The following UNC79 variants were observed in gnomAD, a reference collection of about 807,000 sequenced individuals.
UNC79 encodes protein unc-79 homolog.
Under a neutral mutation model 283.1 loss-of-function variants are expected in UNC79, and 37 were observed. The observed-to-expected ratio is 0.13, with a 90% confidence interval of 0.10 to 0.17. The LOEUF (loss-of-function observed/expected upper bound fraction) is 0.17. Ranked by LOEUF, UNC79 falls within the 10% of genes least tolerant of loss-of-function variation. The pLI, the probability that UNC79 is intolerant of heterozygous loss-of-function variation, is 1.00. For synonymous variants in UNC79, 1,107 were observed against 1,200.2 expected, an observed-to-expected ratio of 0.92 and a Z score of 1.61; for missense variants, 2,272 against 3,211.1, an observed-to-expected ratio of 0.71 and a Z score of 7.07.
At chr14:93,574,473 G>A (rs1174243818) in intron 16 of UNC79, among the ~76,000 whole-genome samples, 1 of 152,200 alleles carries the variant, frequency 6.6e-6, no homozygotes, top group Non-Finnish European at 1.5e-5. Context: ...CTTTCTTTAA[G>A]CAGCTCACAG....
chr14:93,468,134 T>C (rs1358703907), intron 2 of UNC79, among the ~76,000 whole-genome samples: 1 of 152,228 alleles, frequency 6.6e-6, no homozygotes, highest in Non-Finnish European at 1.5e-5. Context: ...ACTTTTGGTC[T>C]AAAAGCAATT....
At chr14:93,524,516 A>C (rs1038028281) in intron 8 of UNC79, among the ~76,000 whole-genome samples, 1 of 152,194 alleles carries the variant, frequency 6.6e-6, no homozygotes. Flanking sequence ...CAGCATATAC[A>C]TGGAAAGTTA....
exon 42 of UNC79, chr14:93,682,639 C>A: frequency 6.2e-7 from 1 of 1,614,010 alleles, no homozygotes; most frequent in Non-Finnish European, 8.5e-7. Context: ...GATGCTGGAA[C>A]CAAACTAGCT....
At chr14:93,442,638 C>A (rs148323310) in intron 1 of UNC79, among the ~76,000 whole-genome samples, 4 of 152,212 alleles carry the variant, frequency 2.6e-5, no homozygotes, top group South Asian at 2.1e-4. Flanking sequence ...AATGTAGACA[C>A]GCCCAAATAC....
chr14:93,557,657 AC>A (rs2062250821), intron 14 of UNC79, among the ~76,000 whole-genome samples: 1 of 152,140 alleles, frequency 6.6e-6, no homozygotes, highest in South Asian at 2.1e-4. Flanking sequence ...GAGAGAGAGT[AC>A]CCCCATATGG....
chr14:93,515,457 G>A (rs764815852), intron 7 of UNC79, among the ~76,000 whole-genome samples: 1 of 152,036 alleles, frequency 6.6e-6, no homozygotes, highest in South Asian at 2.1e-4. Flanking sequence ...TCTTGTTTGT[G>A]TGGTTGTTTT....
At position 93,400,998 on chromosome 14, in the gene UNC79, G is replaced by A. The variant is rs76988727; in HGVS notation, c.-350-66673G>A. Among the ~76,000 whole-genome samples, 278 of 152,288 alleles carry A rather than the reference G, an allele frequency of 1.8e-3. 1 individual carries two copies. In the East Asian group the frequency reaches 0.034, roughly 19 times the overall value. ...ATAGTGAGAATGATACCTTCATTAT[G>A]AGAAATAAAATCAGGAAGAGGTGTT... On this transcript the variant is annotated intron_variant, in intron 1 of 49. Coordinates refer to the UNC79 transcript ENST00000256339.
intron 1 of UNC79, among the ~76,000 whole-genome samples, chr14:93,368,583 G>C (rs1229229252): frequency 2.6e-5 from 4 of 152,074 alleles, no homozygotes; most frequent in Admixed American, 2.6e-4. Context: ...CAAGTCTCAT[G>C]CCTCAGCCTT....
chr14:93,354,145 T>G (rs1475846829), intron 1 of UNC79, among the ~76,000 whole-genome samples: 1 of 152,196 alleles, frequency 6.6e-6, no homozygotes, highest in African/African-American at 2.4e-5. Flanking sequence ...CCAATATCTT[T>G]AACATTTTGT....
chr14:93,387,542 C>T (rs1293677971), intron 1 of UNC79, among the ~76,000 whole-genome samples: 2 of 152,178 alleles, frequency 1.3e-5, no homozygotes, highest in African/African-American at 2.4e-5. Flanking sequence ...TGTGTTTGAA[C>T]AGTGTCCGAA....
intron 4 of UNC79, among the ~76,000 whole-genome samples, chr14:93,478,665 T>C (rs1043879107): frequency 1.3e-5 from 2 of 152,188 alleles, no homozygotes; most frequent in African/African-American, 4.8e-5. Context: ...ACTTGGAACA[T>C]TGGTAAAATG....
chr14:93,640,820 A>G (rs906657828), intron 32 of UNC79, among the ~76,000 whole-genome samples: 13 of 152,146 alleles, frequency 8.5e-5, no homozygotes, highest in African/African-American at 3.1e-4. Flanking sequence ...TAGCTCTTTT[A>G]AGGGTACCCT....
At chr14:93,632,144 C>A (rs2068080535) in intron 31 of UNC79, among the ~76,000 whole-genome samples, 1 of 152,142 alleles carries the variant, frequency 6.6e-6, no homozygotes, top group Non-Finnish European at 1.5e-5. Context: ...ACTTACAAAG[C>A]CATGTTCATT....
In UNC79 at chr14:93,542,483, C is replaced by T. The variant is rs747295363; in HGVS notation, c.1542C>T (p.Pro514=). ...ACTTCTAGGTGAGCCTCTGCACACC[C>T]AGTGAGAACACGCCTACAGAAAGCT... Residue 514 remains proline, a synonymous_variant, in exon 14 of 49, where the codon CCC becomes CCT. Transcript: ENST00000555664. The T allele has an allele frequency of 5.0e-6, 8 of 1,613,936 alleles. No homozygotes were observed. The South Asian group carries it at 7.7e-5, about 16-fold the overall frequency.
chr14:93,542,586 G>C (rs765846617), exon 14 of UNC79: 1 of 1,614,204 alleles, frequency 6.2e-7, no homozygotes, highest in South Asian at 1.1e-5. Context: ...GGGAAGTCTG[G>C]TGGAAAAGCT....
chr14:93,471,970 ATG>A (rs931377676), intron 2 of UNC79, among the ~76,000 whole-genome samples: 9 of 152,120 alleles, frequency 5.9e-5, no homozygotes, highest in African/African-American at 2.2e-4. Flanking sequence ...TGAAAAAATA[ATG>A]TGTTTATTTC....
intron 1 of UNC79, among the ~76,000 whole-genome samples, chr14:93,345,756 T>C (rs1161049031): frequency 6.6e-6 from 1 of 151,866 alleles, no homozygotes; most frequent in Non-Finnish European, 1.5e-5. Context: ...AGCAAATAAA[T>C]AGGAATAGTG....
rs142308970 is a variant in UNC79 at position 93,560,976 on chromosome 14, G to A, written c.1756-10918G>A. On this transcript the variant is annotated intron_variant, in intron 14 of 48. Transcript: ENST00000555664. Reference sequence around the variant, plus strand: ...ACCTTTCACTGTTATTTATGGGGCTGGGTATAAGTAAACAAGAAGAGGGCC... The same window carrying A: ...ACCTTTCACTGTTATTTATGGGGCTAGGTATAAGTAAACAAGAAGAGGGCC... Among the ~76,000 whole-genome samples the A allele has an allele frequency of 5.8e-3, 887 of 152,226 alleles. 11 individuals carry two copies. The highest frequency in any genetic ancestry group is 0.02 in the African/African-American group (840 of 41,526).
At chr14:93,651,275 T>C (rs2070225419) in intron 35 of UNC79, among the ~76,000 whole-genome samples, 1 of 152,236 alleles carries the variant, frequency 6.6e-6, no homozygotes, top group Non-Finnish European at 1.5e-5. Flanking sequence ...CTACATTCTT[T>C]ACATTTTCAT....
Sources: allele counts gnomAD v4.1 joint callset (sites outside exome capture counted in the v4.1 genomes callset), GRCh38; gene constraint gnomAD v4.1.1; transcripts MANE v1.5; gene names NCBI Gene and HGNC (gene_info 2026-07-23, HGNC 2026-07-21).